The following HECTD2 variants were observed in gnomAD, a reference collection of about 807,000 sequenced individuals.
HECTD2 encodes probable E3 ubiquitin-protein ligase HECTD2.
In HECTD2, 35 loss-of-function variants were observed where a neutral mutation model predicts 103.2. The ratio of observed to expected loss-of-function variants is 0.34; its 90% CI spans 0.26 to 0.45. HECTD2 has a LOEUF of 0.45. Among genes scored for constraint, HECTD2 ranks in the 20% least tolerant of loss-of-function variants. HECTD2 has a pLI of 1.00. For synonymous variants in HECTD2, 281 were observed against 329.9 expected, an observed-to-expected ratio of 0.85 and a Z score of 1.61; for missense variants, 596 against 937.4, an observed-to-expected ratio of 0.64 and a Z score of 4.76.
At chr10:91,505,113 C>A (rs1847096389) in intron 20 of HECTD2, among the ~76,000 whole-genome samples, 1 of 151,752 alleles carries the variant, frequency 6.6e-6, no homozygotes, top group South Asian at 2.1e-4. Context: ...AAAAGAGCTC[C>A]TGAAGGAAGC....
chr10:91,484,727 A>G (rs2133290645), intron 9 of HECTD2, 72 bp downstream of exon 9: 2 of 1,209,506 alleles, frequency 1.7e-6, no homozygotes, highest in Middle Eastern at 2.0e-4. Flanking sequence ...TAAGGATTTC[A>G]AAAGACTATA....
At position 91,499,251 on chromosome 10, in the gene HECTD2, GAAAATATTTTCTACTTTTT is replaced by G. The variant is rs1259761464; in HGVS notation, c.1950+106_1950+124del. 4 of 633,722 alleles carry G rather than the reference GAAAATATTTTCTACTTTTT, an allele frequency of 6.3e-6. No homozygotes were observed. The African/African-American group carries it at 7.6e-5, about 12-fold the overall frequency. 39.3% of individuals were successfully genotyped at this position (633,722 alleles called of 1,614,324 possible). A position where few individuals can be genotyped will look rare whatever the true frequency, so the allele number is the denominator to read the frequency against. On this transcript the variant is annotated intron_variant, in intron 18 of 20. Coordinates refer to ENST00000298068, the MANE Select transcript of HECTD2 (RefSeq NM_182765.6). ...TTTTAGTAGATAAGCTTTTAAAATA[GAAAATATTTTCTACTTTTT>G]AAAAGTAGAACTAAAAACAAAAATA...
chr10:91,415,193 A>AGTGTGTGTGTGTGTGTGTGTGTGT (rs397846279), intron 1 of HECTD2, among the ~76,000 whole-genome samples: 34 of 141,734 alleles, frequency 2.4e-4, no homozygotes, highest in Non-Finnish European at 3.1e-4. Context: ...AATTAGAGAA[A>AGTGTGTGTGTGTGTGTGTGTGTGT]GTGTGTGTGT....
intron 20 of HECTD2, among the ~76,000 whole-genome samples, chr10:91,502,959 A>C (rs185099954): frequency 9.4e-4 from 143 of 152,346 alleles, no homozygotes; most frequent in African/African-American, 3.0e-3. Flanking sequence ...ATTTGACATA[A>C]TAATGGTATG....
intron 8 of HECTD2, 75 bp downstream of exon 8, chr10:91,483,151 AAT>A: frequency 1.8e-6 from 1 of 549,866 alleles, no homozygotes. Flanking sequence ...TTTACAATAA[AAT>A]ATATTTAAAT....
Position 91,500,586 on chromosome 10 carries a change from G to T in HECTD2, c.2035G>T (p.Asp679Tyr). ...MHALQRSTQY[D>Y]GYAKTDLTIK... Reference sequence around the variant, plus strand: ...TGCTCTGCAGAGAAGTACTCAGTATGATGGCTATGCAAAAACGGACTTAAC... The same window carrying T: ...TGCTCTGCAGAGAAGTACTCAGTATTATGGCTATGCAAAAACGGACTTAAC... The change falls in exon 19 of 21, where the codon GAT becomes TAT. Residue 679 changes from aspartate (D) to tyrosine (Y), a missense_variant. Coordinates refer to ENST00000298068, the MANE Select transcript of HECTD2 (RefSeq NM_182765.6). 1 of 1,607,284 alleles carries T rather than the reference G, an allele frequency of 6.2e-7. No individual in the cohort carries two copies.
Position 91,487,463 on chromosome 10 carries a change from T to C in HECTD2, c.1095-219T>C. On this transcript the variant is annotated intron_variant, in intron 10 of 20. Coordinates refer to ENST00000298068, the MANE Select transcript of HECTD2 (RefSeq NM_182765.6). The surrounding 1 kb of genome is among the most constrained non-coding windows in gnomAD (Gnocchi z 4.1). ...CACATTCAGAACCTTTGATGTAGCTTCTGCAGAGAATAAAGGCATTGCACA... is the reference window on the plus strand; with the variant it reads ...CACATTCAGAACCTTTGATGTAGCTCCTGCAGAGAATAAAGGCATTGCACA... 1.8e-6 allele frequency: 1 copy of C among 545,156 alleles called. No individual in the cohort carries two copies. The highest frequency in any genetic ancestry group is 3.3e-6 in the Non-Finnish European group (1 of 298,716). The allele number at this position is 545,156 out of a possible 1,614,324, so 33.8% of individuals were successfully genotyped here. A position where few individuals can be genotyped will look rare whatever the true frequency, so the allele number is the denominator to read the frequency against.
intron 5 of HECTD2, 28 bp from the exon 6 acceptor site, chr10:91,478,173 T>C (rs1845974344): frequency 6.6e-7 from 1 of 1,507,742 alleles, no homozygotes; most frequent in Non-Finnish European, 9.2e-7. Flanking sequence ...GTAATCCTAA[T>C]TACCTTACTG....
chr10:91,452,319 C>A (rs934707762), intron 2 of HECTD2, among the ~76,000 whole-genome samples: 10 of 152,038 alleles, frequency 6.6e-5, no homozygotes, highest in African/African-American at 2.4e-4. Flanking sequence ...CCAAAGAAAT[C>A]CACAGCAAGA....
chr10:91,473,508 G>T (rs1414748492), intron 5 of HECTD2, among the ~76,000 whole-genome samples: 1 of 152,110 alleles, frequency 6.6e-6, no homozygotes, highest in Non-Finnish European at 1.5e-5. Flanking sequence ...TGATGAAAAA[G>T]AAATTCATAA....
intron 2 of HECTD2, among the ~76,000 whole-genome samples, chr10:91,428,149 C>A (rs1178264528): frequency 2.6e-5 from 4 of 151,228 alleles, no homozygotes; most frequent in Non-Finnish European, 5.9e-5. Flanking sequence ...TTCCCCATTG[C>A]TTGTTTTTCT....
At chr10:91,421,031 C>T (rs142427582) in intron 1 of HECTD2, among the ~76,000 whole-genome samples, 5 of 152,204 alleles carry the variant, frequency 3.3e-5, no homozygotes, top group African/African-American at 9.6e-5. Flanking sequence ...CCTTTGCATT[C>T]TTCCCCCCCT....
At chr10:91,481,816 TATCTC>T (rs1846096342) in intron 7 of HECTD2, among the ~76,000 whole-genome samples, 1 of 151,838 alleles carries the variant, frequency 6.6e-6, no homozygotes, top group African/African-American at 2.4e-5. Context: ...CCATGTATAT[TATCTC>T]ATTTAAAAGT....
chr10:91,429,793 C>T (rs1472337692), intron 2 of HECTD2, among the ~76,000 whole-genome samples: 12 of 151,598 alleles, frequency 7.9e-5, no homozygotes, highest in South Asian at 2.1e-4. Flanking sequence ...GTCTTGCTAG[C>T]GGTCTATCAA....
rs1846309904 is a variant in HECTD2 at position 91,487,561 on chromosome 10, T to G, written c.1095-121T>G. On this transcript the variant is annotated intron_variant, in intron 10 of 20. Coordinates refer to ENST00000298068, the MANE Select transcript of HECTD2 (RefSeq NM_182765.6). This position sits in a 1 kb window ranked among gnomAD's most constrained non-coding sequence, Gnocchi z 4.1. ...TATACACATACAATCATTTTGTATA[T>G]GGTAAAACACAATCCAAAAGTAATG... 1.4e-6 allele frequency: 1 copy of G among 738,214 alleles called. No individual in the cohort carries two copies. Among genetic ancestry groups the G allele is most frequent in the African/African-American group, 1.7e-5 (1 of 57,754 alleles). 45.7% of individuals were successfully genotyped at this position (738,214 alleles called of 1,614,324 possible).
chr10:91,486,209 T>C (rs1019369154), intron 10 of HECTD2: 4 of 152,140 alleles, frequency 2.6e-5, no homozygotes, highest in African/African-American at 4.8e-5. Context: ...AAACATAGAA[T>C]GGGCTTCTGG....
chr10:91,466,431 A>G (rs1281457019), intron 5 of HECTD2, among the ~76,000 whole-genome samples: 1 of 151,942 alleles, frequency 6.6e-6, no homozygotes, highest in Non-Finnish European at 1.5e-5. Flanking sequence ...TAATTTTTAT[A>G]TCTTGTCTTC....
chr10:91,476,753 G>A (rs534487811), intron 5 of HECTD2, among the ~76,000 whole-genome samples: 1 of 152,324 alleles, frequency 6.6e-6, no homozygotes, highest in Non-Finnish European at 1.5e-5. Flanking sequence ...CGAGAGGAGT[G>A]AGAACCGTCT....
intron 1 of HECTD2, 149 bp downstream of exon 1, chr10:91,410,725 A>C (rs1452080856): frequency 4.3e-6 from 3 of 700,794 alleles, no homozygotes; most frequent in Admixed American, 4.4e-5. Context: ...TTCCTTGGGC[A>C]GAAATAAAAG....
Sources: gnomAD v4.1 joint callset for allele counts (sites outside exome capture counted in the v4.1 genomes callset) on GRCh38, gnomAD v4.1.1 for gene constraint, Gnocchi (gnomAD v3.1) non-coding constraint, MANE v1.5 for transcripts, NCBI Gene and HGNC (gene_info 2026-07-23, HGNC 2026-07-21) for gene names.